AUTS2: variants seen among roughly 807,000 people sequenced by gnomAD.
The protein encoded by AUTS2 is autism susceptibility gene 2 protein.
Under a neutral mutation model 112.4 loss-of-function variants are expected in AUTS2, and 17 were observed. That is an observed-to-expected ratio of 0.15 (90% confidence interval 0.10 to 0.23). The LOEUF is 0.23. Among genes scored for constraint, AUTS2 ranks in the 10% least tolerant of loss-of-function variants. AUTS2 has a pLI of 1.00. For synonymous variants in AUTS2, 751 were observed against 702.7 expected (o/e 1.07, Z -1.09); for missense variants, 1,510 against 1,701.6 (o/e 0.89, Z 1.98).
At chr7:70,684,339 G>A (rs1808350350) in intron 5 of AUTS2, among the ~76,000 whole-genome samples, 2 of 152,162 alleles carry the variant, frequency 1.3e-5, no homozygotes, top group South Asian at 4.1e-4. Flanking sequence ...ACCTGGGAAG[G>A]TAAACTACTT....
chr7:70,022,419 C>G (rs1025383529), intron 2 of AUTS2, among the ~76,000 whole-genome samples: 1 of 151,342 alleles, frequency 6.6e-6, no homozygotes, highest in African/African-American at 2.4e-5. Context: ...CTCTTGGGTT[C>G]AAGCCATTCT....
chr7:69,660,919 G>A (rs1320829311), intron 1 of AUTS2, among the ~76,000 whole-genome samples: 1 of 152,228 alleles, frequency 6.6e-6, no homozygotes, highest in Admixed American at 6.5e-5. Context: ...GGGCGACAGA[G>A]GAATAGTGCG....
In AUTS2 at chr7:69,633,339, T is replaced by G. The variant is rs535892192; in HGVS notation, c.309+33377T>G. Among the ~76,000 whole-genome samples, 4 of 152,098 alleles carry G rather than the reference T, an allele frequency of 2.6e-5. No homozygotes were observed. The East Asian group carries it at 7.7e-4, about 29-fold the overall frequency. ...CCCACACACACACACCCCCCACAGT[T>G]TATCCATTTGCCTGTCGACAGATGC... On this transcript the variant is annotated intron_variant, in intron 1 of 18. Transcript: ENST00000342771.
intron 4 of AUTS2, among the ~76,000 whole-genome samples, chr7:70,384,041 G>A (rs1793498080): frequency 6.6e-6 from 1 of 152,226 alleles, no homozygotes; most frequent in Non-Finnish European, 1.5e-5. Context: ...AAGAAAGAAA[G>A]AAAGAAAGAA....
chr7:69,759,784 C>G (rs1430890324), intron 1 of AUTS2, among the ~76,000 whole-genome samples: 1 of 77,606 alleles, frequency 1.3e-5, no homozygotes, highest in Non-Finnish European at 2.7e-5. Flanking sequence ...CCCCCCCCCC[C>G]CCCCCATATA....
chr7:69,682,649 T>G (rs766383169), intron 1 of AUTS2, among the ~76,000 whole-genome samples: 11 of 152,354 alleles, frequency 7.2e-5, no homozygotes, highest in South Asian at 6.2e-4. Context: ...GAGTAGATAT[T>G]TTATATGTCT....
At chr7:70,370,249 T>G (rs530929761) in intron 4 of AUTS2, among the ~76,000 whole-genome samples, 2 of 152,182 alleles carry the variant, frequency 1.3e-5, no homozygotes, top group Non-Finnish European at 2.9e-5. Flanking sequence ...TGTGCATTCA[T>G]CACCATAATC....
chr7:70,162,320 C>T (rs919611207), intron 4 of AUTS2, among the ~76,000 whole-genome samples: 2 of 148,760 alleles, frequency 1.3e-5, no homozygotes, highest in East Asian at 3.9e-4. Context: ...GTGGCGGGCG[C>T]CTGTAGTCCC....
rs1017021671 is a variant in AUTS2, at chr7:70,553,718, T to C, written c.690+117937T>C. On this transcript the variant is annotated intron_variant, in intron 5 of 18. Coordinates refer to ENST00000342771, the MANE Select transcript of AUTS2 (RefSeq NM_015570.4). The stretch of plus-strand genomic sequence containing the variant: ...GGTGATTTTTTTTTTTTTAAGACTT[T>C]AAAGGTTGTATTGGGAGACCTTGAG... Among the ~76,000 whole-genome samples, 9 of 151,644 alleles carry C rather than the reference T, an allele frequency of 5.9e-5. 1 individual carries two copies. Among genetic ancestry groups the C allele is most frequent in the Admixed American group, 5.9e-4 (9 of 15,236 alleles).
At chr7:69,933,831 ATAAG>A (rs1182590162) in intron 2 of AUTS2, among the ~76,000 whole-genome samples, 1 of 152,122 alleles carries the variant, frequency 6.6e-6, no homozygotes, top group Non-Finnish European at 1.5e-5. Flanking sequence ...CTTGACTAGT[ATAAG>A]TGTCATTTTT....
intron 1 of AUTS2, among the ~76,000 whole-genome samples, chr7:69,603,886 G>A (rs1792566569): frequency 6.6e-6 from 1 of 152,160 alleles, no homozygotes; most frequent in Non-Finnish European, 1.5e-5. Context: ...TTGGCTTTCT[G>A]CTATTTGGGT....
Position 70,019,529 on chromosome 7 carries a change from T to G in AUTS2, c.523-98603T>G, listed in dbSNP as rs557195561. ...TTTGTGTAGGTCCATTTAATTTGTTTACTTTTCGTAGTAGGAATACAATTG... is the reference window on the plus strand; with the variant it reads ...TTTGTGTAGGTCCATTTAATTTGTTGACTTTTCGTAGTAGGAATACAATTG... On this transcript the variant is annotated intron_variant, in intron 2 of 18. Transcript: ENST00000342771. Among the ~76,000 whole-genome samples, 6 of 152,346 alleles carry G rather than the reference T, an allele frequency of 3.9e-5. No individual in the cohort carries two copies. The South Asian group carries it at 8.3e-4, about 21-fold the overall frequency.
intron 1 of AUTS2, among the ~76,000 whole-genome samples, chr7:69,713,943 C>T (rs547134442): frequency 6.6e-6 from 1 of 152,170 alleles, no homozygotes; most frequent in Admixed American, 6.5e-5. Context: ...TGCTTTTGGT[C>T]TCATAACTAA....
chr7:70,308,949 C>T (rs757612883), intron 4 of AUTS2, among the ~76,000 whole-genome samples: 64 of 152,054 alleles, frequency 4.2e-4, no homozygotes, highest in Non-Finnish European at 6.3e-4. Context: ...TGAGCAGTCC[C>T]GTTAAAAAGG....
intron 4 of AUTS2, among the ~76,000 whole-genome samples, chr7:70,224,279 C>CT (rs1811636528): frequency 6.6e-6 from 1 of 151,952 alleles, no homozygotes; most frequent in Non-Finnish European, 1.5e-5. Context: ...AGTGCCACTG[C>CT]TATCCAGAGT....
intron 4 of AUTS2, among the ~76,000 whole-genome samples, chr7:70,167,994 G>A (rs936448559): frequency 3.3e-5 from 5 of 152,160 alleles, no homozygotes; most frequent in Non-Finnish European, 7.3e-5. Flanking sequence ...AGTACATTTG[G>A]CATAAGGACG....
At chr7:70,512,165 A>G (rs867097647) in intron 5 of AUTS2, among the ~76,000 whole-genome samples, 1 of 152,176 alleles carries the variant, frequency 6.6e-6, no homozygotes, top group South Asian at 2.1e-4. Flanking sequence ...GGTATTAACC[A>G]TCAAGGCAGT....
At chr7:70,692,628 A>T (rs1021057971) in intron 5 of AUTS2, among the ~76,000 whole-genome samples, 2 of 152,202 alleles carry the variant, frequency 1.3e-5, no homozygotes, top group African/African-American at 2.4e-5. Flanking sequence ...CTATATTTTT[A>T]AAAAGACTTG....
At chr7:70,041,691 G>T (rs1801254616) in intron 2 of AUTS2, among the ~76,000 whole-genome samples, 1 of 151,876 alleles carries the variant, frequency 6.6e-6, no homozygotes, top group African/African-American at 2.4e-5. Context: ...TTACCTTCTG[G>T]GTTTAAAATC....
Sources: gnomAD v4.1 joint callset for allele counts (sites outside exome capture counted in the v4.1 genomes callset) on GRCh38, gnomAD v4.1.1 for gene constraint, MANE v1.5 for transcripts, NCBI Gene and HGNC (gene_info 2026-07-23, HGNC 2026-07-21) for gene names.